The following TTLL4 variants were observed in gnomAD, a reference collection of about 807,000 sequenced individuals.
The protein encoded by TTLL4 is tubulin monoglutamylase TTLL4.
A neutral mutation model predicts 122.7 loss-of-function variants in TTLL4; 85 were observed. The observed-to-expected ratio is 0.69, with a 90% CI of 0.58 to 0.83. The LOEUF is 0.83. TTLL4 is among the 40% of genes least tolerant of loss of function. TTLL4 has a pLI of 0.00. For synonymous variants in TTLL4, 553 were observed against 563.0 expected (o/e 0.98, Z 0.25); for missense variants, 1,363 against 1,488.6 (o/e 0.92, Z 1.39).
downstream of TTLL4, among the ~76,000 whole-genome samples, chr2:218,758,168 T>C (rs1943187239): frequency 6.6e-6 from 1 of 152,160 alleles, no homozygotes; most frequent in Non-Finnish European, 1.5e-5. Flanking sequence ...GTTTTACAGG[T>C]GAAAACACAA....
chr2:218,758,479 A>G (rs190257435), downstream of TTLL4, among the ~76,000 whole-genome samples: 6 of 152,346 alleles, frequency 3.9e-5, no homozygotes, highest in African/African-American at 1.2e-4. Context: ...GCACTATAAC[A>G]TGCAATAGTG....
chr2:218,750,689 A>G (rs79747557), intron 15 of TTLL4, among the ~76,000 whole-genome samples: 48 of 152,264 alleles, frequency 3.2e-4, no homozygotes, highest in African/African-American at 1.1e-3. Context: ...CTTAAGGACC[A>G]GTTGGTCCAG....
chr2:218,736,440 A>G (rs972962901), intron 2 of TTLL4: 2 of 152,200 alleles, frequency 1.3e-5, no homozygotes, highest in Non-Finnish European at 2.9e-5. Flanking sequence ...GTATTAAAGG[A>G]AACACTGATT....
rs527399063 is a variant in TTLL4 at position 218,717,898 on chromosome 2, A to T, written c.-178+6861A>T. Among the ~76,000 whole-genome samples the T allele has an allele frequency of 4.0e-5, 6 of 151,862 alleles. No homozygotes were observed. The East Asian group carries it at 1.2e-3, about 30-fold the overall frequency. On this transcript the variant is annotated intron_variant, in intron 1 of 19. Coordinates refer to ENST00000392102, the MANE Select transcript of TTLL4 (RefSeq NM_014640.5). ...ACTGCAAGCTCCGCCTCCCGGGTTC[A>T]GGCCATTCTCCTGCCTCAGCCTCCC...
Position 218,754,292 on chromosome 2 carries a change from C to T in TTLL4, c.3503C>T (p.Thr1168Met), listed in dbSNP as rs369162794. The change falls in exon 20 of 20, where the codon ACG (threonine) becomes ATG (methionine). Residue 1168 changes from threonine to methionine, a missense_variant. This residue lies in a region of TTLL4 where 596 missense variants were observed against 655.8 expected (regional missense o/e 0.91). Coordinates refer to ENST00000392102, the MANE Select transcript of TTLL4 (RefSeq NM_014640.5). ...AAAGAGCCCAGCCTTTCTACCCAGA[C>T]GTTACCTGTGATCAAGTGCTCTGGG... ...TSKEPSLSTQ[T>M]LPVIKCSGQT... 3.0e-5 allele frequency: 48 copies of T among 1,614,086 alleles called. No individual in the cohort carries two copies. Among genetic ancestry groups the T allele is most frequent in the Middle Eastern group, 1.6e-4 (1 of 6,084 alleles).
chr2:218,730,627 G>A (rs1195516868), intron 2 of TTLL4, among the ~76,000 whole-genome samples: 1 of 152,212 alleles, frequency 6.6e-6, no homozygotes, highest in Non-Finnish European at 1.5e-5. Flanking sequence ...TATGATGTTA[G>A]CTGTATCTAT....
Position 218,710,848 on chromosome 2 carries a change from C to G in TTLL4, c.-367C>G, listed in dbSNP as rs1241719173. 6.6e-6 allele frequency: 1 copy of G among 152,336 alleles called. No homozygotes were observed. Among genetic ancestry groups the G allele is most frequent in the Non-Finnish European group, 1.5e-5 (1 of 68,160 alleles). The allele number at this position is 152,336 out of a possible 1,614,324, so 9.4% of individuals were successfully genotyped here. ...TTGCCTCCCGCCCTCTTCTTCCAGA[C>G]TCTCGGTCTGTCCGCTGGGGGCGCG... On this transcript the variant is annotated 5_prime_UTR_variant, in exon 1 of 20. Coordinates refer to ENST00000392102, the MANE Select transcript of TTLL4 (RefSeq NM_014640.5).
chr2:218,713,330 T>A (rs1575154033), intron 1 of TTLL4, among the ~76,000 whole-genome samples: 1 of 152,064 alleles, frequency 6.6e-6, no homozygotes, highest in South Asian at 2.1e-4. Context: ...CAGGCTGGAG[T>A]GCCATGGTGT....
In TTLL4 at chr2:218,738,620, A is replaced by G; in HGVS notation, c.944A>G (p.Glu315Gly). 6.2e-7 allele frequency: 1 copy of G among 1,614,252 alleles called. No individual in the cohort carries two copies. Among genetic ancestry groups the G allele is most frequent in the Non-Finnish European group, 8.5e-7 (1 of 1,180,044 alleles). ...YNRNNLAMRAEPLSCALDDSS... is the reference protein window; with the variant it reads ...YNRNNLAMRAGPLSCALDDSS... ...CGGAATAACTTAGCCATGAGGGCAG[A>G]GCCACTTTCCTGTGCTCTGGATGAC... The change falls in exon 3 of 20, where the codon GAG becomes GGG. Residue 315 changes from glutamate to glycine, a missense_variant. Physicochemically the swap from Glu to Gly is moderately conservative, Grantham distance 98. Coordinates refer to ENST00000392102, the MANE Select transcript of TTLL4 (RefSeq NM_014640.5).
chr2:218,718,448 G>A (rs938395510), intron 1 of TTLL4, among the ~76,000 whole-genome samples: 1 of 151,146 alleles, frequency 6.6e-6, no homozygotes, highest in Non-Finnish European at 1.5e-5. Context: ...GCGCAATCTC[G>A]GCTCACCGCA....
At chr2:218,716,135 C>T (rs978294399) in intron 1 of TTLL4, among the ~76,000 whole-genome samples, 3 of 152,194 alleles carry the variant, frequency 2.0e-5, no homozygotes, top group African/African-American at 7.2e-5. Flanking sequence ...CACTCAAACT[C>T]GTGGTGGCAG....
intron 2 of TTLL4, among the ~76,000 whole-genome samples, chr2:218,728,470 G>A (rs1942259036): frequency 6.6e-6 from 1 of 152,168 alleles, no homozygotes; most frequent in Non-Finnish European, 1.5e-5. Context: ...TATAGGAGGT[G>A]GATCTCAGGT....
Position 218,747,358 on chromosome 2 carries a change from C to A in TTLL4, c.2235C>A (p.Pro745=). ...HKWSQLPKRR[P]LLVQRYLHKP... The stretch of plus-strand genomic sequence containing the variant: ...GGAGTCAGCTCCCCAAGCGAAGGCC[C>A]CTCCTGGTACAGAGGTGAGCCTGTA... Residue 745 remains proline (P), a synonymous_variant, in exon 10 of 20, where the codon CCC becomes CCA. Coordinates refer to ENST00000392102, the MANE Select transcript of TTLL4 (RefSeq NM_014640.5). The surrounding 1 kb of genome is among the most constrained non-coding windows in gnomAD (Gnocchi z 4.7). 6.2e-7 allele frequency: 1 copy of A among 1,614,154 alleles called. No homozygotes were observed. The highest frequency in any genetic ancestry group is 8.5e-7 in the Non-Finnish European group (1 of 1,180,036).
chr2:218,712,817 T>A (rs543546272), intron 1 of TTLL4, among the ~76,000 whole-genome samples: 1 of 152,276 alleles, frequency 6.6e-6, no homozygotes, highest in Non-Finnish European at 1.5e-5. Flanking sequence ...CAGATACAAA[T>A]AAGGACTACT....
intron 2 of TTLL4, among the ~76,000 whole-genome samples, chr2:218,736,901 G>A (rs1942540620): frequency 6.7e-6 from 1 of 149,456 alleles, no homozygotes; most frequent in African/African-American, 2.5e-5. Context: ...CCATGCTGGA[G>A]TACAGTGACA....
chr2:218,758,129 C>G (rs1249652485), downstream of TTLL4, among the ~76,000 whole-genome samples: 1 of 152,160 alleles, frequency 6.6e-6, no homozygotes, highest in Non-Finnish European at 1.5e-5. Context: ...GTGAAAGTTG[C>G]AAGCAGTCAT....
At chr2:218,749,874 C>A in intron 14 of TTLL4, 135 bp from the exon 15 acceptor site, 1 of 1,192,638 alleles carries the variant, frequency 8.4e-7, no homozygotes, top group Non-Finnish European at 1.2e-6. Flanking sequence ...TGATGGTGAT[C>A]CTGCATGGGG....
chr2:218,728,291 C>A (rs1296194084), intron 2 of TTLL4, among the ~76,000 whole-genome samples: 1 of 151,990 alleles, frequency 6.6e-6, no homozygotes, highest in Non-Finnish European at 1.5e-5. Flanking sequence ...CAGTGGGAGC[C>A]CTGGGCTTGT....
rs749546075 is a variant in TTLL4, at chr2:218,752,834, G to A, written c.3048G>A (p.Glu1016=). The change falls in exon 17 of 20, where the codon GAG becomes GAA. Residue 1016 remains glutamate, a synonymous_variant. Coordinates refer to ENST00000392102, the MANE Select transcript of TTLL4 (RefSeq NM_014640.5). ...DVRILVEMED[E]FSRRGQFERI... ...GGATTCTGGTTGAGATGGAAGATGA[G>A]TTTTCTCGCCGTGGTCAGTTTGAAC... 1 of 1,614,174 alleles carries A rather than the reference G, an allele frequency of 6.2e-7. No homozygotes were observed. The highest frequency in any genetic ancestry group is 8.5e-7 in the Non-Finnish European group (1 of 1,180,024).
Sources: allele counts gnomAD v4.1 joint callset (sites outside exome capture counted in the v4.1 genomes callset), GRCh38; gene constraint gnomAD v4.1.1; regional missense constraint gnomAD v4.1.1; non-coding constraint Gnocchi (gnomAD v3.1); transcripts MANE v1.5; gene names NCBI Gene and HGNC (gene_info 2026-07-23, HGNC 2026-07-21).